UBE2E1: variants seen among roughly 807,000 people sequenced by gnomAD.
The protein encoded by UBE2E1 is ubiquitin-conjugating enzyme E2 E1.
A neutral mutation model predicts 21.4 loss-of-function variants in UBE2E1; 6 were observed. The observed-to-expected ratio is 0.28, with a 90% confidence interval of 0.15 to 0.55. UBE2E1 has a LOEUF of 0.55. Ranked by LOEUF, UBE2E1 falls within the 20% of genes least tolerant of loss-of-function variation. The pLI is 0.93. For missense variants in UBE2E1, 142 were observed against 236.5 expected, an observed-to-expected ratio of 0.60 and a Z score of 2.62; for synonymous variants, 87 against 82.7, an observed-to-expected ratio of 1.05 and a Z score of -0.28.
chr3:23,878,729 C>T (rs1368906616), intron 3 of UBE2E1, among the ~76,000 whole-genome samples: 1 of 152,210 alleles, frequency 6.6e-6, no homozygotes, highest in Non-Finnish European at 1.5e-5. Flanking sequence ...TGATGATCTG[C>T]TACTGTCACC....
At chr3:23,818,679 G>T (rs1699579187) in intron 3 of UBE2E1, among the ~76,000 whole-genome samples, 1 of 152,190 alleles carries the variant, frequency 6.6e-6, no homozygotes, top group South Asian at 2.1e-4. Flanking sequence ...AATCTGAGGT[G>T]GCCTGACGGT....
In UBE2E1 at chr3:23,836,901, G is replaced by A. The variant is rs185082000; in HGVS notation, c.203+25391G>A. Among the ~76,000 whole-genome samples, 171 of 152,284 alleles carry A rather than the reference G, an allele frequency of 1.1e-3. No individual in the cohort carries two copies. The highest frequency in any genetic ancestry group is 0.01 in the Middle Eastern group (3 of 294). ...CATCACTCATGATGAAGAAGATAAA[G>A]CTCTTGTTAAGTAGTTTATGGTCTA... On this transcript the variant is annotated intron_variant, in intron 3 of 5. Transcript: ENST00000306627. The surrounding 1 kb of genome is among the most constrained non-coding windows in gnomAD (Gnocchi z 4.1).
rs1439030337 is a variant in UBE2E1, at chr3:23,891,235, G to A, written c.*629G>A. On this transcript the variant is annotated 3_prime_UTR_variant, in exon 6 of 6. Coordinates refer to ENST00000306627, the MANE Select transcript of UBE2E1 (RefSeq NM_003341.5). ...AGGCGTGGAATAGGAGTTGCTCAGT[G>A]GATTGGTTCTATGTTGTGGACTACT... 4 of 152,246 alleles carry A rather than the reference G, an allele frequency of 2.6e-5. No homozygotes were observed. The highest frequency in any genetic ancestry group is 1.5e-5 in the Non-Finnish European group (1 of 68,040). The allele number at this position is 152,246 out of a possible 1,614,324, so 9.4% of individuals were successfully genotyped here. A position where few individuals can be genotyped will look rare whatever the true frequency, so the allele number is the denominator to read the frequency against.
chr3:23,838,506 A>G (rs1290839587), intron 3 of UBE2E1, among the ~76,000 whole-genome samples: 1 of 151,646 alleles, frequency 6.6e-6, no homozygotes, highest in Admixed American at 6.6e-5. Context: ...ATTTATTTTT[A>G]TTTTTTGAGA....
At chr3:23,820,640 T>C (rs1361795109) in intron 3 of UBE2E1, among the ~76,000 whole-genome samples, 2 of 152,216 alleles carry the variant, frequency 1.3e-5, no homozygotes, top group African/African-American at 4.8e-5. Flanking sequence ...GACCCAAATA[T>C]GACAAAGTGA....
At chr3:23,833,217 G>A (rs982516677) in intron 3 of UBE2E1, among the ~76,000 whole-genome samples, 5 of 151,974 alleles carry the variant, frequency 3.3e-5, no homozygotes, top group Admixed American at 6.6e-5. Flanking sequence ...AGTATAAAAT[G>A]GAGATATTTT....
rs1188193030 is a variant in UBE2E1 at position 23,863,462 on chromosome 3, G to C, written c.204-24105G>C. Among the ~76,000 whole-genome samples, 1 of 152,018 alleles carries C rather than the reference G, an allele frequency of 6.6e-6. No homozygotes were observed. The highest frequency in any genetic ancestry group is 2.4e-5 in the African/African-American group (1 of 41,360). On this transcript the variant is annotated intron_variant, in intron 3 of 5. Coordinates refer to ENST00000306627, the MANE Select transcript of UBE2E1 (RefSeq NM_003341.5). This position sits in a 1 kb window ranked among gnomAD's most constrained non-coding sequence, Gnocchi z 4.3. ...TATACTTGTCACAAATTCAACCCCA[G>C]ATGCCTTCACAATTATCTAAAAGTC...
intron 3 of UBE2E1, among the ~76,000 whole-genome samples, chr3:23,838,330 G>A (rs1700012595): frequency 6.6e-6 from 1 of 152,120 alleles, no homozygotes; most frequent in South Asian, 2.1e-4. Context: ...GCCTTCCAAA[G>A]TGCTGGGATT....
At chr3:23,843,083 T>G (rs1163800400) in intron 3 of UBE2E1, among the ~76,000 whole-genome samples, 1 of 151,908 alleles carries the variant, frequency 6.6e-6, no homozygotes, top group African/African-American at 2.4e-5. Context: ...AAGCTTTTTT[T>G]TTTTTTAGCA....
chr3:23,873,372 A>AG, intron 3 of UBE2E1, among the ~76,000 whole-genome samples: 1 of 152,296 alleles, frequency 6.6e-6, no homozygotes, highest in Middle Eastern at 3.4e-3. Flanking sequence ...GGGAAGGTAC[A>AG]GGGAGCCGGA....
rs1262881670 is a variant in UBE2E1 at position 23,830,019 on chromosome 3, G to T, written c.203+18509G>T. ...CTTATTACCTAGCTAGCTACACCTG[G>T]AATTTTGGTTCTAGAATAATTTAAA... is the stretch of plus-strand genomic sequence containing the variant. On this transcript the variant is annotated intron_variant, in intron 3 of 5. Coordinates refer to ENST00000306627, the MANE Select transcript of UBE2E1 (RefSeq NM_003341.5). Among the ~76,000 whole-genome samples the T allele has an allele frequency of 2.6e-5, 4 of 152,086 alleles. No individual in the cohort carries two copies. In the East Asian group the frequency reaches 7.7e-4, roughly 29 times the overall value.
At chr3:23,858,748 T>A (rs1347797963) in intron 3 of UBE2E1, among the ~76,000 whole-genome samples, 1 of 152,212 alleles carries the variant, frequency 6.6e-6, no homozygotes. Flanking sequence ...ACTGAAGCTA[T>A]TCATTTTTGA....
rs568819995 is a variant in UBE2E1 at position 23,881,618 on chromosome 3, A to G, written c.204-5949A>G. Among the ~76,000 whole-genome samples the G allele has an allele frequency of 1.1e-4, 17 of 152,340 alleles. No individual in the cohort carries two copies. The East Asian group carries it at 2.5e-3, about 22-fold the overall frequency. On this transcript the variant is annotated intron_variant, in intron 3 of 5. Transcript: ENST00000306627. ...ACAAAACTGAGATGACCCAGTTTAG[A>G]GAATCCCAATTAAAATAAGTGCTCA...
chr3:23,864,109 TTC>T (rs1193032299), intron 3 of UBE2E1, among the ~76,000 whole-genome samples: 1 of 152,350 alleles, frequency 6.6e-6, no homozygotes, highest in East Asian at 1.9e-4. Flanking sequence ...AAGATCTCTA[TTC>T]TTCCCTAGCA....
rs72627053 is a variant in UBE2E1 at position 23,884,396 on chromosome 3, T to G, written c.204-3171T>G. ...TGCAAACTACCTGCTTAAAGGTCAT[T>G]GTTGTGGGTGGGGCACTTAAATATA... On this transcript the variant is annotated intron_variant, in intron 3 of 5. Transcript: ENST00000306627. 8.9e-3 allele frequency among the ~76,000 whole-genome samples: 1,348 copies of G among 152,258 alleles called. 18 individuals carry two copies. The highest frequency in any genetic ancestry group is 0.055 in the South Asian group (264 of 4,818).
chr3:23,848,638 G>A (rs1048341835), intron 3 of UBE2E1, among the ~76,000 whole-genome samples: 1 of 152,122 alleles, frequency 6.6e-6, no homozygotes, highest in African/African-American at 2.4e-5. Context: ...CCCACATAAT[G>A]TGATATAATC....
intron 3 of UBE2E1, among the ~76,000 whole-genome samples, chr3:23,844,536 T>G (rs572741932): frequency 4.6e-5 from 7 of 152,288 alleles, no homozygotes; most frequent in African/African-American, 1.4e-4. Flanking sequence ...GTAATCTTTT[T>G]TGGACCTCTG....
At chr3:23,849,265 T>C (rs1189887070) in intron 3 of UBE2E1, among the ~76,000 whole-genome samples, 2 of 152,196 alleles carry the variant, frequency 1.3e-5, no homozygotes, top group African/African-American at 4.8e-5. Context: ...ATGGTTTTTA[T>C]TGTAGTTAGC....
At position 23,811,493 on chromosome 3, in the gene UBE2E1, C is replaced by T; in HGVS notation, c.186C>T (p.Asp62=). Reference sequence around the variant, plus strand: ...AGGAGCTGGCGGACATCACTTTAGACCCTCCACCTAATTGCAGGTGAGTTG... The same window carrying T: ...AGGAGCTGGCGGACATCACTTTAGATCCTCCACCTAATTGCAGGTGAGTTG... ...IQKELADITL[D]PPPNCSAGPK... Residue 62 remains aspartate (D), a synonymous_variant, in exon 3 of 6, where the codon GAC becomes GAT. Coordinates refer to ENST00000306627, the MANE Select transcript of UBE2E1 (RefSeq NM_003341.5). 1 of 1,614,202 alleles carries T rather than the reference C, an allele frequency of 6.2e-7. No homozygotes were observed. The highest frequency in any genetic ancestry group is 8.5e-7 in the Non-Finnish European group (1 of 1,180,046).
Sources: gnomAD v4.1 joint callset for allele counts (sites outside exome capture counted in the v4.1 genomes callset) on GRCh38, gnomAD v4.1.1 for gene constraint, Gnocchi (gnomAD v3.1) non-coding constraint, MANE v1.5 for transcripts, NCBI Gene and HGNC (gene_info 2026-07-23, HGNC 2026-07-21) for gene names.